The following EP300 variants were observed in gnomAD, a reference collection of about 807,000 sequenced individuals.
The protein encoded by EP300 is EP300 lysine acetyltransferase.
EP300 carries 31 observed loss-of-function variants against 264.0 expected under a neutral mutation model. The ratio of observed to expected loss-of-function variants is 0.12; its 90% CI spans 0.09 to 0.16. The LOEUF is 0.16. EP300 is among the 10% of genes least tolerant of loss of function. EP300 has a pLI of 1.00. For missense variants in EP300, 2,766 were observed against 3,052.9 expected (o/e 0.91, Z 2.21); for synonymous variants, 1,340 against 1,045.4 (o/e 1.28, Z -5.44).
At chr22:41,121,641 C>G (rs60621873) in intron 2 of EP300, among the ~76,000 whole-genome samples, 1 of 152,202 alleles carries the variant, frequency 6.6e-6, no homozygotes, top group African/African-American at 2.4e-5. Context: ...GCATCGTGAT[C>G]AAGGGAACAA....
rs1485139574 is a variant in EP300, at chr22:41,093,076, G to A, written c.72G>A (p.Ser24=). 4.3e-6 allele frequency: 7 copies of A among 1,613,966 alleles called. No individual in the cohort carries two copies. The highest frequency in any genetic ancestry group is 1.3e-5 in the African/African-American group (1 of 74,934). ...CTAAACTCTCATCTCCGGCCCTCTC[G>A]GCGTCCGCCAGCGATGGCACAGGTT... ...KRPKLSSPAL[S]ASASDGTDFG... Residue 24 remains serine (S), a synonymous_variant, in exon 1 of 31, where the codon TCG becomes TCA. Coordinates refer to ENST00000263253, the MANE Select transcript of EP300 (RefSeq NM_001429.4).
At chr22:41,168,286 C>T in intron 23 of EP300, 163 bp from the exon 24 acceptor site, 1 of 716,158 alleles carries the variant, frequency 1.4e-6, no homozygotes, top group Non-Finnish European at 2.4e-6. Flanking sequence ...ACTCATATGA[C>T]ATGTAAATCT....
intron 27 of EP300, 33 bp from the exon 28 acceptor site, chr22:41,172,466 G>C (rs375555978): frequency 6.4e-7 from 1 of 1,559,668 alleles, no homozygotes; most frequent in Non-Finnish European, 8.8e-7. Flanking sequence ...AAAGAACATA[G>C]AAATTCCTAT....
At chr22:41,152,379 G>T (rs1277229794) in intron 16 of EP300, 29 bp downstream of exon 16, 1 of 1,599,110 alleles carries the variant, frequency 6.3e-7, no homozygotes, top group Non-Finnish European at 8.5e-7. Context: ...TCGTTCTGGA[G>T]GTAGCTGAAG....
chr22:41,094,816 T>C (rs1255396569), intron 1 of EP300, among the ~76,000 whole-genome samples: 4 of 152,186 alleles, frequency 2.6e-5, no homozygotes, highest in African/African-American at 9.7e-5. Context: ...GGGAAACTTT[T>C]TTGTGTACTT....
At chr22:41,163,563 A>G (rs2059119145) in intron 21 of EP300, among the ~76,000 whole-genome samples, 1 of 151,916 alleles carries the variant, frequency 6.6e-6, no homozygotes, top group South Asian at 2.1e-4. Flanking sequence ...CCTGGCCAAC[A>G]TGGCAAAATC....
rs772562025 is a variant in EP300, at chr22:41,117,281, G to T, written c.189G>T (p.Gln63His). Reference sequence around the variant, plus strand: ...TAACCAATGGTGGTGATATTAATCAGCTTCAGACAAGTCTTGGCATGGTAC... The same window carrying T: ...TAACCAATGGTGGTGATATTAATCATCTTCAGACAAGTCTTGGCATGGTAC... Reference protein sequence around the residue: ...LGLTNGGDINQLQTSLGMVQD... With the variant: ...LGLTNGGDINHLQTSLGMVQD... Residue 63 changes from glutamine (Q) to histidine (H), a missense_variant, in exon 2 of 31, where the codon CAG (glutamine) becomes CAT (histidine). Physicochemically the swap from Gln to His is conservative, Grantham distance 24. Transcript: ENST00000263253. 8 of 1,614,062 alleles carry T rather than the reference G, an allele frequency of 5.0e-6. No individual in the cohort carries two copies. The African/African-American group carries it at 1.1e-4, about 22-fold the overall frequency.
chr22:41,129,708 C>T (rs2058905637), intron 4 of EP300, among the ~76,000 whole-genome samples, 182 bp from the exon 5 acceptor site: 1 of 152,038 alleles, frequency 6.6e-6, no homozygotes, highest in Non-Finnish European at 1.5e-5. Context: ...AATTGCTTAC[C>T]CATTCTTTTT....
intron 6 of EP300, among the ~76,000 whole-genome samples, chr22:41,134,036 A>G (rs2064560): frequency 0.25 from 37,959 of 152,134 alleles, 5,590 homozygotes; most frequent in Admixed American, 0.43. Context: ...AGTCACTGGC[A>G]TGACTATTTT....
At chr22:41,115,952 G>C (rs73426537) in intron 1 of EP300, among the ~76,000 whole-genome samples, 2,362 of 152,264 alleles carry the variant, frequency 0.016, 45 homozygotes, top group African/African-American at 0.05. Context: ...CAGGTCTTTT[G>C]TATCAGTTGT....
intron 18 of EP300, 102 bp downstream of exon 18, chr22:41,157,510 GGC>G: frequency 1.1e-6 from 1 of 942,140 alleles, no homozygotes; most frequent in African/African-American, 1.8e-5. Context: ...GCTTTGACAT[GGC>G]TTTTTTTTTT....
intron 7 of EP300, 82 bp downstream of exon 7, chr22:41,135,988 G>A: frequency 1.9e-6 from 2 of 1,074,880 alleles, no homozygotes; most frequent in Non-Finnish European, 2.9e-6. Context: ...TTTGAACTTA[G>A]TTTCCTCGGT....
intron 6 of EP300, 69 bp from the exon 7 acceptor site, chr22:41,135,744 C>T: frequency 8.3e-7 from 1 of 1,200,948 alleles, no homozygotes; most frequent in Non-Finnish European, 1.2e-6. Flanking sequence ...TGTTTCTTAA[C>T]TTTATAGTAT....
At chr22:41,112,771 A>G (rs1464556097) in intron 1 of EP300, among the ~76,000 whole-genome samples, 1 of 151,328 alleles carries the variant, frequency 6.6e-6, no homozygotes, top group Admixed American at 6.6e-5. Flanking sequence ...AGTTTGGTGT[A>G]GGGCATGCCT....
chr22:41,149,507 C>G (rs1355000009), intron 13 of EP300, among the ~76,000 whole-genome samples: 1 of 152,120 alleles, frequency 6.6e-6, no homozygotes, highest in Non-Finnish European at 1.5e-5. Flanking sequence ...ACTCTGCACT[C>G]AATTCTGCCA....
chr22:41,136,930 T>C (rs4822007), intron 7 of EP300, among the ~76,000 whole-genome samples: 94,183 of 151,826 alleles, frequency 0.62, 29,726 homozygotes, highest in East Asian at 0.83. Flanking sequence ...CATGGTGGCA[T>C]CCACCTGTAA....
chr22:41,128,643 G>A (rs1437552737), intron 4 of EP300, among the ~76,000 whole-genome samples: 1 of 151,998 alleles, frequency 6.6e-6, no homozygotes, highest in African/African-American at 2.4e-5. Context: ...AAGTAACTGG[G>A]ACTACAGGCA....
chr22:41,146,521 TAAAG>T, intron 10 of EP300: 1 of 567,244 alleles, frequency 1.8e-6, no homozygotes, highest in Non-Finnish European at 3.1e-6. Context: ...CCCGGGCTCA[TAAAG>T]GAATACCAAC....
chr22:41,094,997 C>T (rs2058694295), intron 1 of EP300, among the ~76,000 whole-genome samples: 1 of 151,940 alleles, frequency 6.6e-6, no homozygotes, highest in South Asian at 2.1e-4. Context: ...TAAAAAAAAA[C>T]TCAACATTGA....
Sources: allele counts gnomAD v4.1 joint callset (sites outside exome capture counted in the v4.1 genomes callset), GRCh38; gene constraint gnomAD v4.1.1; transcripts MANE v1.5; gene names NCBI Gene and HGNC (gene_info 2026-07-23, HGNC 2026-07-21).